Variants in CHID1 observed in about 807,000 individuals in gnomAD.
The protein encoded by CHID1 is chitinase domain containing 1, also known as chitinase domain-containing protein 1.
Under a neutral mutation model 55.4 loss-of-function variants are expected in CHID1, and 44 were observed. The ratio of observed to expected loss-of-function variants is 0.79; its 90% CI spans 0.62 to 1.02. The LOEUF (loss-of-function observed/expected upper bound fraction) is 1.02, where lower values mean the gene tolerates loss of function less well. Ranked by LOEUF, CHID1 falls within the 50% of genes least tolerant of loss-of-function variation. The pLI is 0.00. For synonymous variants in CHID1, 216 were observed against 212.9 expected (o/e 1.01, Z -0.13); for missense variants, 491 against 515.3 (o/e 0.95, Z 0.46).
chr11:899,953 G>C, intron 6 of CHID1, 51 bp downstream of exon 6: 1 of 1,429,908 alleles, frequency 7.0e-7, no homozygotes, highest in Middle Eastern at 1.8e-4. Flanking sequence ...AGACGGCCAG[G>C]TGGGACCCGG....
rs140476082 is a variant in CHID1, at chr11:870,158, C to T, written c.1046G>A (p.Arg349His). 1.3e-4 allele frequency: 213 copies of T among 1,613,014 alleles called. No individual in the cohort carries two copies. The highest frequency in any genetic ancestry group is 1.6e-4 in the Non-Finnish European group (183 of 1,179,974). ...SEHFFEYKKS[R>H]SGRHVVFYPT... Reference sequence around the variant, plus strand: ...GTAGAAGACGACGTGCCTCCCACTGCGGCTCCTGCAAGACAAAGGGACTGT... The same window carrying T: ...GTAGAAGACGACGTGCCTCCCACTGTGGCTCCTGCAAGACAAAGGGACTGT... The change falls in exon 12 of 13, where the codon CGC becomes CAC. Residue 349 changes from arginine (R) to histidine (H), a missense_variant. Physicochemically the swap from Arg to His is conservative, Grantham distance 29. Coordinates refer to ENST00000323578, the MANE Select transcript of CHID1 (RefSeq NM_023947.4).
At position 904,782 on chromosome 11, in the gene CHID1, A is replaced by G. The variant is rs559255470; in HGVS notation, c.35T>C (p.Leu12Pro). Residue 12 changes from leucine to proline, a missense_variant, in exon 2 of 13, where the codon CTG becomes CCG. Transcript: ENST00000323578. ...GGTAGTGTGAACAGGGCTGCAGGCC[A>G]GGGCAAGCCAGAGGAGGTTGAAGAG... ...RTLFNLLWLALACSPVHTTLS... is the reference protein window; with the variant it reads ...RTLFNLLWLAPACSPVHTTLS... The G allele has an allele frequency of 6.2e-7, 1 of 1,614,082 alleles. No individual in the cohort carries two copies. The highest frequency in any genetic ancestry group is 1.3e-5 in the African/African-American group (1 of 75,074).
chr11:873,771 C>G (rs28695835), intron 10 of CHID1, among the ~76,000 whole-genome samples: 114,510 of 152,024 alleles, frequency 0.75, 44,088 homozygotes, highest in Admixed American at 0.85. Context: ...AGCAGTAATG[C>G]GGGCTGTACA....
chr11:889,894 C>G (rs531029577), intron 8 of CHID1, among the ~76,000 whole-genome samples: 2 of 152,366 alleles, frequency 1.3e-5, no homozygotes, highest in South Asian at 2.1e-4. Context: ...CTCCCCTCCC[C>G]CTCTGCCCAC....
chr11:877,705 T>C (rs998172511), intron 10 of CHID1, among the ~76,000 whole-genome samples: 2 of 150,050 alleles, frequency 1.3e-5, no homozygotes, highest in African/African-American at 4.9e-5. Flanking sequence ...CACTGAAATG[T>C]AATACCCACT....
intron 6 of CHID1, 95 bp from the exon 7 acceptor site, chr11:899,496 T>A (rs1374834862): frequency 8.3e-7 from 1 of 1,206,102 alleles, no homozygotes; most frequent in African/African-American, 1.5e-5. Flanking sequence ...CATGGTCAGG[T>A]TGTGGCCTGG....
In CHID1 at chr11:903,077, C is replaced by A. The variant is rs200818734; in HGVS notation, c.146G>T (p.Gly49Val). 28 of 1,613,108 alleles carry A rather than the reference C, an allele frequency of 1.7e-5. No individual in the cohort carries two copies. In the East Asian group the frequency reaches 6.2e-4, roughly 36 times the overall value. The change falls in exon 3 of 13, where the codon GGT becomes GTT. Residue 49 changes from glycine (G) to valine (V), a missense_variant. Transcript: ENST00000323578. Reference sequence around the variant, plus strand: ...AGCTTTGAGGTCCGTCACCACCAAACCCCGGTCTTGCACCGGCTTATCTGA... The same window carrying A: ...AGCTTTGAGGTCCGTCACCACCAAAACCCGGTCTTGCACCGGCTTATCTGA... ...QFSDKPVQDRGLVVTDLKAES... is the reference protein window; with the variant it reads ...QFSDKPVQDRVLVVTDLKAES...
chr11:888,206 A>G, intron 8 of CHID1, among the ~76,000 whole-genome samples: 1 of 152,220 alleles, frequency 6.6e-6, no homozygotes, highest in South Asian at 2.1e-4. Flanking sequence ...TCACGCTTTC[A>G]AGGGTGGTAA....
chr11:877,579 T>C (rs1289577405), intron 10 of CHID1, among the ~76,000 whole-genome samples: 1 of 152,254 alleles, frequency 6.6e-6, no homozygotes, highest in African/African-American at 2.4e-5. Flanking sequence ...ACCCAGGCTC[T>C]TGTGCAGTGA....
chr11:910,828 G>A, upstream of CHID1: 1 of 1,098,140 alleles, frequency 9.1e-7, no homozygotes, highest in African/African-American at 1.7e-5. Context: ...AAACGCTCCA[G>A]CGCGCCGGAA....
At chr11:897,576 G>A (rs917151128) in intron 7 of CHID1, among the ~76,000 whole-genome samples, 1 of 152,168 alleles carries the variant, frequency 6.6e-6, no homozygotes, top group African/African-American at 2.4e-5. Context: ...GCAGGCACCT[G>A]ATCCTCCGGC....
At chr11:902,081 C>T (rs1399138375) in intron 4 of CHID1, 117 bp downstream of exon 4, 1 of 1,162,682 alleles carries the variant, frequency 8.6e-7, no homozygotes, top group Non-Finnish European at 1.2e-6. Context: ...CACACACACA[C>T]TCCCATACAG....
intron 7 of CHID1, among the ~76,000 whole-genome samples, chr11:897,916 G>T (rs1214939224): frequency 1.3e-5 from 2 of 152,136 alleles, no homozygotes; most frequent in Non-Finnish European, 2.9e-5. Context: ...CGGAGGGTGT[G>T]GGGGTCTGGA....
chr11:885,253 G>A (rs12574596), intron 8 of CHID1, among the ~76,000 whole-genome samples: 67,275 of 151,986 alleles, frequency 0.44, 15,643 homozygotes, highest in Admixed American at 0.52. Flanking sequence ...GGGGCTTGAG[G>A]GCCCAAGACA....
At chr11:893,219 G>T (rs1428810258) in intron 8 of CHID1, among the ~76,000 whole-genome samples, 2 of 152,226 alleles carry the variant, frequency 1.3e-5, no homozygotes, top group East Asian at 3.9e-4. Context: ...CCCCAGGTCT[G>T]CCCCTGGGAC....
chr11:910,953 G>C, upstream of CHID1: 2 of 431,984 alleles, frequency 4.6e-6, no homozygotes, highest in Non-Finnish European at 6.1e-6. Context: ...CCGGGGCCGG[G>C]GCCGGGGCCG....
chr11:900,036 C>A lies in CHID1; in HGVS notation c.514G>T (p.Glu172Ter), dbSNP rs1243216164. 1 of 1,613,996 alleles carries A rather than the reference C, an allele frequency of 6.2e-7. No homozygotes were observed. Among genetic ancestry groups the A allele is most frequent in the South Asian group, 1.1e-5 (1 of 91,088 alleles). ...NVLDSEDEIE[E>*]LSKTVVQVAK... ...ACCTGGACCACGGTCTTGCTCAGCT[C>A]CTCTATCTCATCCTCACTGTCTAAG... is the stretch of plus-strand genomic sequence containing the variant. Residue 172 changes from glutamate (E) to a stop codon, truncating the protein, a stop_gained, in exon 6 of 13, where the codon GAG (glutamate) becomes TAG (stop). Transcript: ENST00000323578. LOFTEE classifies it high-confidence loss of function.
intron 5 of CHID1, 62 bp downstream of exon 5, chr11:900,874 C>T (rs1005609989): frequency 4.9e-6 from 7 of 1,439,006 alleles, no homozygotes; most frequent in African/African-American, 1.4e-5. Context: ...ACCCCAGTGC[C>T]CACCTGTCCA....
chr11:881,135 C>G (rs1166429124), intron 10 of CHID1, among the ~76,000 whole-genome samples: 2 of 152,192 alleles, frequency 1.3e-5, no homozygotes, highest in Non-Finnish European at 2.9e-5. Flanking sequence ...GGACCCCAAG[C>G]AAGCCTCTAG....
Sources: gnomAD v4.1 joint callset for allele counts (sites outside exome capture counted in the v4.1 genomes callset) on GRCh38, gnomAD v4.1.1 for gene constraint, MANE v1.5 for transcripts, NCBI Gene and HGNC (gene_info 2026-07-23, HGNC 2026-07-21) for gene names.